The following TMEM161B variants were observed in gnomAD, a reference collection of about 807,000 sequenced individuals.
TMEM161B encodes the protein transmembrane protein 161B.
In TMEM161B, 34 loss-of-function variants were observed where a neutral mutation model predicts 61.8. The observed-to-expected ratio is 0.55, with a 90% CI of 0.42 to 0.73. TMEM161B has a LOEUF of 0.73. Among genes scored for constraint, TMEM161B ranks in the 30% least tolerant of loss-of-function variants. The probability of loss-of-function intolerance (pLI) is 0.00; values close to 1 mark genes in which losing one functional copy is unlikely to be tolerated. For missense variants in TMEM161B, 456 were observed against 558.5 expected (o/e 0.82, Z 1.85); for synonymous variants, 167 against 192.8 (o/e 0.87, Z 1.11).
chr5:88,245,154 C>T (rs879701241), intron 1 of TMEM161B, among the ~76,000 whole-genome samples: 1 of 151,822 alleles, frequency 6.6e-6, no homozygotes, highest in Non-Finnish European at 1.5e-5. Context: ...CCAAACCTGA[C>T]TCAACTATGG....
At chr5:88,245,983 C>T (rs1227716160) in intron 1 of TMEM161B, among the ~76,000 whole-genome samples, 1 of 151,824 alleles carries the variant, frequency 6.6e-6, no homozygotes, top group African/African-American at 2.4e-5. Flanking sequence ...TTGAAGAACT[C>T]AGAGACTGAT....
At chr5:88,248,490 C>G (rs1753907407) in intron 1 of TMEM161B, among the ~76,000 whole-genome samples, 1 of 151,970 alleles carries the variant, frequency 6.6e-6, no homozygotes, top group South Asian at 2.1e-4. Flanking sequence ...AGTCAGATAA[C>G]ACTACACAAA....
intron 1 of TMEM161B, among the ~76,000 whole-genome samples, chr5:88,256,622 C>T (rs1321276900): frequency 3.3e-5 from 5 of 152,192 alleles, no homozygotes; most frequent in Non-Finnish European, 5.9e-5. Context: ...CCAAAATAAC[C>T]TGTATCATGC....
At chr5:88,257,371 A>T (rs1282616755) in intron 1 of TMEM161B, among the ~76,000 whole-genome samples, 1 of 152,210 alleles carries the variant, frequency 6.6e-6, no homozygotes, top group Non-Finnish European at 1.5e-5. Context: ...TCATTAAATA[A>T]ATTTAATATA....
At chr5:88,206,102 A>G (rs1309849138) in intron 7 of TMEM161B, 148 bp from the exon 8 acceptor site, 1 of 729,164 alleles carries the variant, frequency 1.4e-6, no homozygotes, top group Non-Finnish European at 2.2e-6. Context: ...TCAAGTACCT[A>G]TAATGGATTC....
chr5:88,230,996 A>G (rs1430784929), intron 2 of TMEM161B, among the ~76,000 whole-genome samples: 1 of 152,144 alleles, frequency 6.6e-6, no homozygotes, highest in African/African-American at 2.4e-5. Context: ...ATTTCGTATC[A>G]ATGACTTAAA....
At chr5:88,243,693 C>CTAATT (rs1353989532) in intron 1 of TMEM161B, among the ~76,000 whole-genome samples, 1 of 151,928 alleles carries the variant, frequency 6.6e-6, no homozygotes, top group African/African-American at 2.4e-5. Context: ...AATGGCTGAA[C>CTAATT]TAATTTGCAT....
At chr5:88,203,114 C>T in intron 8 of TMEM161B, 39 bp from the exon 9 acceptor site, 2 of 1,283,070 alleles carry the variant, frequency 1.6e-6, no homozygotes, top group Non-Finnish European at 2.3e-6. Flanking sequence ...AATTCAGAAA[C>T]AGCACGTGCT....
chr5:88,236,419 C>T (rs947624029), intron 2 of TMEM161B, among the ~76,000 whole-genome samples: 2 of 152,162 alleles, frequency 1.3e-5, no homozygotes, highest in African/African-American at 4.8e-5. Context: ...TAACCTAACA[C>T]TTACCTCTCC....
At chr5:88,240,618 G>A (rs115657570) in intron 2 of TMEM161B, among the ~76,000 whole-genome samples, 195 bp downstream of exon 2, 114 of 150,816 alleles carry the variant, frequency 7.6e-4, no homozygotes, top group Admixed American at 2.0e-3. Flanking sequence ...GCCAGGAGTT[G>A]AAGAATAGCC....
downstream of TMEM161B, among the ~76,000 whole-genome samples, chr5:88,192,072 A>AG (rs1358887842): frequency 7.1e-6 from 1 of 140,780 alleles, no homozygotes; most frequent in Non-Finnish European, 1.5e-5. Flanking sequence ...AAAGATGCAA[A>AG]AAAAAAAAAA....
chr5:88,186,773 A>G (rs945313658), downstream of TMEM161B, among the ~76,000 whole-genome samples: 3 of 151,998 alleles, frequency 2.0e-5, no homozygotes, highest in African/African-American at 7.2e-5. Flanking sequence ...CTAAAAAAAA[A>G]AATTAGCCAC....
At chr5:88,193,078 G>C (rs570823420), downstream of TMEM161B, among the ~76,000 whole-genome samples, 5 of 152,128 alleles carry the variant, frequency 3.3e-5, no homozygotes, top group African/African-American at 1.2e-4. Context: ...GTCATTTTAC[G>C]CACATCAATT....
In TMEM161B at chr5:88,220,623, T is replaced by G; in HGVS notation, c.386A>C (p.Lys129Thr). 3 of 1,603,612 alleles carry G rather than the reference T, an allele frequency of 1.9e-6. No individual in the cohort carries two copies. The highest frequency in any genetic ancestry group is 2.5e-6 in the Non-Finnish European group (3 of 1,177,214). ...GCTGATATTCATTTCCTGTGTAGGC[T>G]TCATAAAATTGTAGTAGACTTCAGT... is the stretch of plus-strand genomic sequence containing the variant. ...LVTEVYYNFM[K>T]PTQEMNISLV... The change falls in exon 5 of 12, where the codon AAG becomes ACG. Residue 129 changes from lysine to threonine, a missense_variant. Lys to Thr is a moderately conservative substitution (Grantham distance 78, BLOSUM62 -1). Around this residue, in one of 3 missense-constraint regions of TMEM161B, gnomAD observed 367 missense variants for 427.3 expected, o/e 0.86. Transcript: ENST00000296595.
intron 4 of TMEM161B, chr5:88,221,908 A>C (rs1023549725): frequency 6.0e-6 from 2 of 335,224 alleles, no homozygotes; most frequent in African/African-American, 4.3e-5. Flanking sequence ...TTATAGAAAA[A>C]GTATTTTGAA....
chr5:88,205,672 T>C (rs547007166), intron 8 of TMEM161B, 142 bp downstream of exon 8: 25 of 894,152 alleles, frequency 2.8e-5, no homozygotes, highest in African/African-American at 2.5e-4. Flanking sequence ...AACTTGCTTA[T>C]AGTTGAAAGA....
intron 7 of TMEM161B, 91 bp from the exon 8 acceptor site, chr5:88,206,045 CA>C (rs1340670619): frequency 9.4e-7 from 1 of 1,064,804 alleles, no homozygotes; most frequent in Non-Finnish European, 1.4e-6. Flanking sequence ...TTACAAATAA[CA>C]ATAACAGTAA....
intron 10 of TMEM161B, chr5:88,198,245 A>G (rs1239670453): frequency 6.6e-6 from 1 of 152,102 alleles, no homozygotes; most frequent in Admixed American, 6.6e-5. Flanking sequence ...AAAAGGTAAA[A>G]CAGAAAAAAG....
At chr5:88,213,732 G>GT (rs1299870664) in intron 5 of TMEM161B, among the ~76,000 whole-genome samples, 1 of 152,004 alleles carries the variant, frequency 6.6e-6, no homozygotes, top group Non-Finnish European at 1.5e-5. Context: ...CTAGATTTTT[G>GT]TCTTGAAATC....
Sources: allele counts gnomAD v4.1 joint callset (sites outside exome capture counted in the v4.1 genomes callset), GRCh38; gene constraint gnomAD v4.1.1; regional missense constraint gnomAD v4.1.1; transcripts MANE v1.5; gene names NCBI Gene and HGNC (gene_info 2026-07-23, HGNC 2026-07-21).